The following EXD3 variants were observed in gnomAD, a reference collection of about 807,000 sequenced individuals.
EXD3 encodes exonuclease mut-7 homolog.
In EXD3, 92 loss-of-function variants were observed where a neutral mutation model predicts 98.0. The observed-to-expected ratio is 0.94, with a 90% confidence interval of 0.79 to 1.12. The LOEUF (loss-of-function observed/expected upper bound fraction) is 1.12, where lower values mean the gene tolerates loss of function less well. Ranked by LOEUF, EXD3 falls within the 50% of genes most tolerant of loss-of-function variation. The pLI is 0.00. For missense variants in EXD3, 1,222 were observed against 1,191.6 expected (o/e 1.03, Z -0.38); for synonymous variants, 569 against 526.0 (o/e 1.08, Z -1.12).
At position 137,307,232 on chromosome 9, in the gene EXD3, G is replaced by A; in HGVS notation, c.2349C>T (p.Cys783=). Residue 783 remains cysteine, a synonymous_variant, in exon 22 of 22, where the codon TGC becomes TGT. Transcript: ENST00000340951. ...GPAPDAAPEG[C]TYDRPCRWLQ... The stretch of plus-strand genomic sequence containing the variant: ...GCCAGCGGCAGGGGCGGTCATAGGT[G>A]CAGCCCTCAGGGGCTGCGTCTGGGG... 6.4e-7 allele frequency: 1 copy of A among 1,565,200 alleles called. No individual in the cohort carries two copies.
At chr9:137,336,175 C>T (rs7032975) in intron 17 of EXD3, among the ~76,000 whole-genome samples, 55,392 of 151,930 alleles carry the variant, frequency 0.36, 11,911 homozygotes, top group South Asian at 0.52. Context: ...GATAAAAAGA[C>T]GACATATTGG....
At chr9:137,383,657 T>A (rs1313716097) in intron 2 of EXD3, among the ~76,000 whole-genome samples, 1 of 152,232 alleles carries the variant, frequency 6.6e-6, no homozygotes, top group Admixed American at 6.5e-5. Context: ...GGGCCTCATC[T>A]TTCAGCTGCA....
intron 2 of EXD3, among the ~76,000 whole-genome samples, chr9:137,388,424 C>T (rs145189836): frequency 1.9e-3 from 293 of 152,304 alleles, no homozygotes; most frequent in African/African-American, 6.7e-3. Context: ...AAACGACACC[C>T]GGCTAATGGG....
At chr9:137,316,145 G>A (rs1831643388) in intron 19 of EXD3, among the ~76,000 whole-genome samples, 1 of 151,386 alleles carries the variant, frequency 6.6e-6, no homozygotes, top group Admixed American at 6.6e-5. Flanking sequence ...GGGAGGGGCG[G>A]CGGCCGTGAG....
At chr9:137,372,883 C>A (rs370494651) in intron 5 of EXD3, 22 bp downstream of exon 5, 1 of 1,596,094 alleles carries the variant, frequency 6.3e-7, no homozygotes, top group Non-Finnish European at 8.5e-7. Context: ...TCCCCATGAG[C>A]CCGGCCACGT....
chr9:137,351,377 G>C lies in EXD3; in HGVS notation c.1325C>G (p.Ala442Gly). 1.2e-6 allele frequency: 2 copies of C among 1,611,468 alleles called. No individual in the cohort carries two copies. The highest frequency in any genetic ancestry group is 1.7e-6 in the Non-Finnish European group (2 of 1,179,492). ...ALSQPPTGQGAQAFSRLVAQL... is the reference protein window; with the variant it reads ...ALSQPPTGQGGQAFSRLVAQL... ...GGCCACCAGCCGGGAAAAGGCCTGGGCTCCCTGCCCTGTTGGTGGCTGCGA... is the reference window on the plus strand; with the variant it reads ...GGCCACCAGCCGGGAAAAGGCCTGGCCTCCCTGCCCTGTTGGTGGCTGCGA... The change falls in exon 13 of 22, where the codon GCC becomes GGC. Residue 442 changes from alanine (A) to glycine (G), a missense_variant. Transcript: ENST00000340951.
At position 137,393,391 on chromosome 9, in the gene EXD3, C is replaced by T. The variant is rs955737969; in HGVS notation, c.55+1912G>A. ...GGCCTCAGAGGAGGCGGTGGATGAA[C>T]GGAAGGGTGAGGGGGTCTGGGCCCA... On this transcript the variant is annotated intron_variant, in intron 2 of 21. Coordinates refer to ENST00000340951, the MANE Select transcript of EXD3 (RefSeq NM_017820.5). This position sits in a 1 kb window ranked among gnomAD's most constrained non-coding sequence, Gnocchi z 4.6. Among the ~76,000 whole-genome samples, 15 of 152,034 alleles carry T rather than the reference C, an allele frequency of 9.9e-5. No individual in the cohort carries two copies. The highest frequency in any genetic ancestry group is 2.7e-4 in the African/African-American group (11 of 41,374).
intron 19 of EXD3, among the ~76,000 whole-genome samples, chr9:137,315,716 T>C (rs1383371709): frequency 6.6e-6 from 1 of 152,080 alleles, no homozygotes; most frequent in Non-Finnish European, 1.5e-5. Flanking sequence ...CTGAGATTCT[T>C]GTTAGCAAGC....
chr9:137,413,348 CT>C (rs1277066399), intron 1 of EXD3, among the ~76,000 whole-genome samples: 9 of 152,054 alleles, frequency 5.9e-5, no homozygotes, highest in African/African-American at 2.2e-4. Context: ...CTATAGGCGC[CT>C]GCCACCACGC....
intron 2 of EXD3, among the ~76,000 whole-genome samples, chr9:137,391,298 C>G (rs761049419): frequency 6.6e-6 from 1 of 152,240 alleles, no homozygotes; most frequent in Admixed American, 6.5e-5. Flanking sequence ...TGTTCACCGC[C>G]GTGTCCACAC....
chr9:137,378,452 C>G (rs1836028664), intron 3 of EXD3, among the ~76,000 whole-genome samples: 1 of 152,132 alleles, frequency 6.6e-6, no homozygotes, highest in Admixed American at 6.5e-5. Context: ...CTCAGGTGAT[C>G]CTATCACCTC....
chr9:137,419,576 G>A (rs956876194), intron 1 of EXD3, among the ~76,000 whole-genome samples: 3 of 152,262 alleles, frequency 2.0e-5, no homozygotes, highest in South Asian at 2.1e-4. Flanking sequence ...GGCTGAGACA[G>A]GAGAATCGCT....
At chr9:137,413,477 G>A (rs953808331) in intron 1 of EXD3, among the ~76,000 whole-genome samples, 1 of 151,266 alleles carries the variant, frequency 6.6e-6, no homozygotes, top group Admixed American at 6.6e-5. Context: ...TGGGATTACA[G>A]GCATGAGCCA....
At chr9:137,417,282 C>T (rs1289336702) in intron 1 of EXD3, among the ~76,000 whole-genome samples, 1 of 152,166 alleles carries the variant, frequency 6.6e-6, no homozygotes, top group Non-Finnish European at 1.5e-5. Context: ...CACGGCTTGT[C>T]GTGAAAATGG....
chr9:137,383,608 C>T (rs1427275876), intron 2 of EXD3, among the ~76,000 whole-genome samples: 4 of 152,322 alleles, frequency 2.6e-5, no homozygotes, highest in East Asian at 3.9e-4. Context: ...CAGCTGAGTC[C>T]GCCCAGCAGC....
Position 137,393,382 on chromosome 9 carries a change from G to A in EXD3, c.55+1921C>T, listed in dbSNP as rs865935466. 1.6e-6 allele frequency: 1 copy of A among 639,946 alleles called. No homozygotes were observed. The highest frequency in any genetic ancestry group is 2.8e-6 in the Non-Finnish European group (1 of 353,160). 39.6% of individuals were successfully genotyped at this position (639,946 alleles called of 1,614,324 possible). ...CCCGCAGATGGCCTCAGAGGAGGCGGTGGATGAACGGAAGGGTGAGGGGGT... is the reference window on the plus strand; with the variant it reads ...CCCGCAGATGGCCTCAGAGGAGGCGATGGATGAACGGAAGGGTGAGGGGGT... On this transcript the variant is annotated intron_variant, in intron 2 of 21. Transcript: ENST00000340951. The surrounding 1 kb of genome is among the most constrained non-coding windows in gnomAD (Gnocchi z 4.6).
At chr9:137,416,269 G>C (rs1454016095) in intron 1 of EXD3, among the ~76,000 whole-genome samples, 1 of 152,216 alleles carries the variant, frequency 6.6e-6, no homozygotes, top group African/African-American at 2.4e-5. Flanking sequence ...GCACGTCTCA[G>C]TCCTCAGCAG....
intron 1 of EXD3, among the ~76,000 whole-genome samples, chr9:137,420,490 A>G (rs1007196878): frequency 2.0e-5 from 3 of 152,162 alleles, no homozygotes; most frequent in East Asian, 1.9e-4. Flanking sequence ...ACAGGACACA[A>G]TTGGAGACCC....
At chr9:137,327,419 C>A (rs1164338044) in intron 17 of EXD3, among the ~76,000 whole-genome samples, 5 of 152,140 alleles carry the variant, frequency 3.3e-5, no homozygotes, top group African/African-American at 9.7e-5. Context: ...AGGTGTGAGC[C>A]ACCGCGCCCG....
Sources: gnomAD v4.1 joint callset for allele counts (sites outside exome capture counted in the v4.1 genomes callset) on GRCh38, gnomAD v4.1.1 for gene constraint, Gnocchi (gnomAD v3.1) non-coding constraint, MANE v1.5 for transcripts, NCBI Gene and HGNC (gene_info 2026-07-23, HGNC 2026-07-21) for gene names.